SPOCK1: variants seen among roughly 807,000 people sequenced by gnomAD.
SPOCK1 encodes testican-1.
SPOCK1 carries 23 observed loss-of-function variants against 55.3 expected under a neutral mutation model. That is an observed-to-expected ratio of 0.42 (90% CI 0.30 to 0.59). The LOEUF (loss-of-function observed/expected upper bound fraction) is 0.59. SPOCK1 is among the 20% of genes least tolerant of loss of function. SPOCK1 has a pLI of 0.22. For synonymous variants in SPOCK1, 226 were observed against 221.0 expected (o/e 1.02, Z -0.20); for missense variants, 499 against 552.5 (o/e 0.90, Z 0.97).
intron 2 of SPOCK1, among the ~76,000 whole-genome samples, chr5:137,301,808 C>G (rs1281382103): frequency 6.6e-6 from 1 of 151,900 alleles, no homozygotes; most frequent in Non-Finnish European, 1.5e-5. Context: ...GAAAAGCAAG[C>G]TGATTTCAGG....
At position 136,979,742 on chromosome 5, in the gene SPOCK1, G is replaced by A. The variant is rs563097427; in HGVS notation, c.992-273C>T. Among the ~76,000 whole-genome samples, 8 of 152,180 alleles carry A rather than the reference G, an allele frequency of 5.3e-5. No individual in the cohort carries two copies. In the South Asian group the frequency reaches 8.3e-4, roughly 16 times the overall value. ...TCTATTCTGGGCACTGACCTAAATC[G>A]TGCTTACATATGTATGTGTATATAT... On this transcript the variant is annotated intron_variant, in intron 9 of 10. Coordinates refer to ENST00000394945, the MANE Select transcript of SPOCK1 (RefSeq NM_004598.4).
chr5:137,038,964 C>G (rs1751937453), intron 6 of SPOCK1, among the ~76,000 whole-genome samples: 1 of 152,090 alleles, frequency 6.6e-6, no homozygotes, highest in Admixed American at 6.6e-5. Context: ...ATGCAGAGAG[C>G]TGATGACAGA....
chr5:137,356,821 A>AT (rs1561513811), intron 2 of SPOCK1, among the ~76,000 whole-genome samples: 2 of 34,504 alleles, frequency 5.8e-5, no homozygotes, highest in Non-Finnish European at 1.1e-4. Context: ...ATATATATAT[A>AT]TATATATATA....
chr5:137,398,974 C>G (rs1751915741), intron 2 of SPOCK1, among the ~76,000 whole-genome samples: 2 of 152,046 alleles, frequency 1.3e-5, no homozygotes, highest in Admixed American at 6.6e-5. Flanking sequence ...CTGAAGAGGG[C>G]CAAATGAATT....
intron 5 of SPOCK1, among the ~76,000 whole-genome samples, chr5:137,092,004 G>A (rs982569451): frequency 1.1e-4 from 16 of 151,914 alleles, no homozygotes; most frequent in South Asian, 4.2e-4. Context: ...CTCAGTGGGC[G>A]ACAGAGACCT....
At chr5:137,248,499 C>T (rs1425363944) in intron 3 of SPOCK1, among the ~76,000 whole-genome samples, 2 of 152,222 alleles carry the variant, frequency 1.3e-5, no homozygotes, top group East Asian at 3.8e-4. Context: ...GTGGCTCCCT[C>T]AGAACCATTC....
intron 3 of SPOCK1, among the ~76,000 whole-genome samples, chr5:137,211,650 C>G (rs909402627): frequency 1.3e-5 from 2 of 152,076 alleles, no homozygotes; most frequent in African/African-American, 4.8e-5. Flanking sequence ...CCAGAAAGAC[C>G]AAGGAATGAA....
At chr5:137,120,455 T>C (rs1201637809) in intron 4 of SPOCK1, among the ~76,000 whole-genome samples, 2 of 152,216 alleles carry the variant, frequency 1.3e-5, no homozygotes, top group African/African-American at 2.4e-5. Flanking sequence ...TCATTTCAAC[T>C]TGGGACTCCA....
At chr5:137,063,421 A>G (rs1752435180) in intron 6 of SPOCK1, among the ~76,000 whole-genome samples, 1 of 151,588 alleles carries the variant, frequency 6.6e-6, no homozygotes, top group South Asian at 2.1e-4. Flanking sequence ...AAAAAAAAAC[A>G]GATGAAACTT....
intron 3 of SPOCK1, among the ~76,000 whole-genome samples, chr5:137,219,384 C>T (rs575528699): frequency 5.6e-4 from 86 of 152,280 alleles, no homozygotes; most frequent in African/African-American, 2.1e-3. Flanking sequence ...CTTAGCAGGT[C>T]CTGCCCTGGG....
intron 6 of SPOCK1, among the ~76,000 whole-genome samples, chr5:137,004,217 C>A (rs1221116670): frequency 6.6e-5 from 10 of 152,142 alleles, no homozygotes; most frequent in Admixed American, 5.2e-4. Flanking sequence ...CTGGAGATGC[C>A]TGGACCAGAT....
At chr5:137,311,749 TTAACA>T (rs1231685540) in intron 2 of SPOCK1, among the ~76,000 whole-genome samples, 1 of 152,038 alleles carries the variant, frequency 6.6e-6, no homozygotes, top group Non-Finnish European at 1.5e-5. Flanking sequence ...AGAATCACTG[TTAACA>T]TTTTGATGTC....
At chr5:137,490,165 G>C (rs944984497) in intron 2 of SPOCK1, among the ~76,000 whole-genome samples, 3 of 152,188 alleles carry the variant, frequency 2.0e-5, no homozygotes, top group African/African-American at 7.2e-5. Context: ...TTAACTATTT[G>C]TTATTGCTGG....
chr5:137,383,974 A>G (rs898503875), intron 2 of SPOCK1, among the ~76,000 whole-genome samples: 1 of 152,144 alleles, frequency 6.6e-6, no homozygotes, highest in Non-Finnish European at 1.5e-5. Context: ...TACCCCCTAG[A>G]CCAAGCATGG....
At chr5:137,240,212 C>G (rs1285067755) in intron 3 of SPOCK1, among the ~76,000 whole-genome samples, 3 of 152,170 alleles carry the variant, frequency 2.0e-5, no homozygotes, top group Non-Finnish European at 4.4e-5. Flanking sequence ...TTAAACCATT[C>G]TTGCATTGCT....
At chr5:137,182,753 C>G (rs1006859674) in intron 3 of SPOCK1, among the ~76,000 whole-genome samples, 4 of 152,190 alleles carry the variant, frequency 2.6e-5, no homozygotes, top group African/African-American at 9.7e-5. Flanking sequence ...TCAAGAGTCC[C>G]TGAGCTAAAG....
chr5:137,415,218 G>A (rs1030532925), intron 2 of SPOCK1, among the ~76,000 whole-genome samples: 5 of 152,210 alleles, frequency 3.3e-5, no homozygotes, highest in Non-Finnish European at 7.3e-5. Context: ...AAATAGAGAA[G>A]AACCCATATA....
Position 137,140,591 on chromosome 5 carries a change from G to T in SPOCK1, c.336C>A (p.His112Gln), listed in dbSNP as rs1048494930. ...YQTALCVSRK[H>Q]LLPRQKKGNV... ...CCTTCCTGCCTTACCTGGGGAGCAGGTGCTTGCGGCTGACACACAGGGCGG... is the reference window on the plus strand; with the variant it reads ...CCTTCCTGCCTTACCTGGGGAGCAGTTGCTTGCGGCTGACACACAGGGCGG... The change falls in exon 4 of 11, where the codon CAC becomes CAA. Residue 112 changes from histidine to glutamine, a missense_variant. Transcript: ENST00000394945. 3.6e-5 allele frequency: 58 copies of T among 1,613,370 alleles called. No homozygotes were observed. The highest frequency in any genetic ancestry group is 4.9e-5 in the Non-Finnish European group (58 of 1,179,782).
At chr5:137,110,728 G>C (rs1015551610) in intron 5 of SPOCK1, among the ~76,000 whole-genome samples, 1 of 152,188 alleles carries the variant, frequency 6.6e-6, no homozygotes, top group African/African-American at 2.4e-5. Flanking sequence ...TCTGGAGTTA[G>C]AGTTAAGGAT....
Sources: gnomAD v4.1 joint callset for allele counts (sites outside exome capture counted in the v4.1 genomes callset) on GRCh38, gnomAD v4.1.1 for gene constraint, MANE v1.5 for transcripts, NCBI Gene and HGNC (gene_info 2026-07-23, HGNC 2026-07-21) for gene names.